Variants in DNAH17 observed in about 807,000 individuals in gnomAD.
The protein encoded by DNAH17 is dynein axonemal heavy chain 17, also known as axonemal beta dynein heavy chain 17.
In DNAH17, 376 loss-of-function variants were observed where a neutral mutation model predicts 485.6. That is an observed-to-expected ratio of 0.77 (90% CI 0.71 to 0.84). DNAH17 has a LOEUF of 0.84. DNAH17 is among the 40% of genes least tolerant of loss of function. DNAH17 has a pLI of 0.00. For missense variants in DNAH17, 6,370 were observed against 5,839.3 expected (o/e 1.09, Z -2.96); for synonymous variants, 3,031 against 2,405.9 (o/e 1.26, Z -7.60).
rs2090058195 is a variant in DNAH17 at position 78,496,014 on chromosome 17, C to A, written c.5764G>T (p.Ala1922Ser). 1 of 1,613,680 alleles carries A rather than the reference C, an allele frequency of 6.2e-7. No individual in the cohort carries two copies. ...AATGCTTTTTTCTTGGCCCGAATTG[C>A]ATCCTGGACACATTTTACCTGCACG... ...IAVQVKCVQD[A>S]IRAKKKAFNF... The change falls in exon 38 of 81, where the codon GCA becomes TCA. Residue 1922 changes from alanine to serine, a missense_variant. Coordinates refer to ENST00000389840, the MANE Select transcript of DNAH17 (RefSeq NM_173628.4).
chr17:78,466,852 G>T (rs563029247), intron 55 of DNAH17, 36 bp from the exon 56 acceptor site: 34 of 1,519,080 alleles, frequency 2.2e-5, no homozygotes, highest in Admixed American at 1.8e-4. Flanking sequence ...TGCCTACTGG[G>T]ACTGCAGTGC....
intron 77 of DNAH17, among the ~76,000 whole-genome samples, chr17:78,428,167 C>T (rs1011160844): frequency 1.3e-5 from 2 of 152,166 alleles, no homozygotes; most frequent in Non-Finnish European, 2.9e-5. Context: ...GCTGCTACTG[C>T]TGTTGTGCTG....
intron 58 of DNAH17, 23 bp downstream of exon 58, chr17:78,461,521 C>A: frequency 6.5e-7 from 1 of 1,538,958 alleles, no homozygotes. Context: ...TTCCTGAAGG[C>A]ACGCTGGGCT....
intron 35 of DNAH17, 43 bp from the exon 36 acceptor site, chr17:78,500,504 G>A (rs1434956049): frequency 6.6e-7 from 1 of 1,507,452 alleles, no homozygotes; most frequent in Non-Finnish European, 8.9e-7. Flanking sequence ...GCGACCCCAT[G>A]GCCTCCCTGC....
chr17:78,566,938 G>C (rs2092277011), intron 10 of DNAH17, 61 bp downstream of exon 10: 1 of 1,541,870 alleles, frequency 6.5e-7, no homozygotes, highest in Non-Finnish European at 8.7e-7. Context: ...CCCTAAGCTG[G>C]TACCGAGGCT....
At chr17:78,474,651 G>T (rs898564361) in intron 54 of DNAH17, among the ~76,000 whole-genome samples, 1 of 148,260 alleles carries the variant, frequency 6.7e-6, no homozygotes, top group African/African-American at 2.5e-5. Context: ...TGTGTCCATC[G>T]AGTAGTTGAC....
chr17:78,508,721 G>T (rs1427471857), intron 27 of DNAH17, among the ~76,000 whole-genome samples: 1 of 152,128 alleles, frequency 6.6e-6, no homozygotes, highest in Non-Finnish European at 1.5e-5. Flanking sequence ...AGGGGTAGGG[G>T]ATGATGGCTA....
intron 11 of DNAH17, among the ~76,000 whole-genome samples, chr17:78,566,402 C>T (rs1161275743): frequency 1.3e-5 from 2 of 152,186 alleles, no homozygotes; most frequent in African/African-American, 2.4e-5. Flanking sequence ...CTCACTTGCT[C>T]CTCTTCCTCT....
At chr17:78,506,871 G>A in intron 29 of DNAH17, 25 bp from the exon 30 acceptor site, 1 of 1,613,712 alleles carries the variant, frequency 6.2e-7, no homozygotes, top group African/African-American at 1.3e-5. Context: ...GGAAGTAGAG[G>A]AGGCCGGTGA....
intron 75 of DNAH17, 54 bp downstream of exon 75, chr17:78,433,967 GGGAGGGAA>G (rs1478694646): frequency 7.3e-7 from 1 of 1,377,748 alleles, no homozygotes. Flanking sequence ...GAGGGAAGGA[GGGAGGGAA>G]GGAGGGAAAG....
intron 2 of DNAH17, among the ~76,000 whole-genome samples, chr17:78,573,483 C>T (rs2092388649): frequency 2.0e-5 from 3 of 151,762 alleles, no homozygotes; most frequent in African/African-American, 2.4e-5. Flanking sequence ...CCTATAATCC[C>T]AGCTATTTGG....
intron 24 of DNAH17, 133 bp from the exon 25 acceptor site, chr17:78,525,294 G>C (rs942280565): frequency 7.5e-7 from 1 of 1,330,678 alleles, no homozygotes. Context: ...TCCATACAAC[G>C]GTGTCCCACC....
At chr17:78,478,968 T>C (rs1380499337) in intron 51 of DNAH17, 57 bp downstream of exon 51, 3 of 1,464,676 alleles carry the variant, frequency 2.0e-6, no homozygotes, top group African/African-American at 2.8e-5. Flanking sequence ...GGAAAGCACC[T>C]GTGGATCAGG....
In DNAH17 at chr17:78,475,722, G is replaced by A. The variant is rs367882306; in HGVS notation, c.8266C>T (p.Leu2756Phe). ...PVTDMAPLNK[L>F]LVDVLDSYNE... ...TAGCTGTCCAGGACGTCCACGAGGA[G>A]CTTGTTCAGAGGAGCCATGTCGGTT... The change falls in exon 53 of 81, where the codon CTC becomes TTC. Residue 2756 changes from leucine (L) to phenylalanine (F), a missense_variant. Physicochemically the swap from Leu to Phe is conservative, Grantham distance 22. Coordinates refer to ENST00000389840, the MANE Select transcript of DNAH17 (RefSeq NM_173628.4). 1.2e-6 allele frequency: 2 copies of A among 1,613,886 alleles called. No homozygotes were observed. The highest frequency in any genetic ancestry group is 1.7e-6 in the Non-Finnish European group (2 of 1,179,812).
At chr17:78,565,975 A>G (rs2092258630) in intron 11 of DNAH17, among the ~76,000 whole-genome samples, 1 of 151,494 alleles carries the variant, frequency 6.6e-6, no homozygotes, top group African/African-American at 2.4e-5. Flanking sequence ...CAACAAAAAC[A>G]AAACAAAACA....
intron 38 of DNAH17, 140 bp downstream of exon 38, chr17:78,495,735 G>T: frequency 9.7e-7 from 1 of 1,028,828 alleles, no homozygotes; most frequent in Middle Eastern, 3.2e-4. Flanking sequence ...ACTGTGCCCG[G>T]CCATCTTGGG....
rs1281196229 is a variant in DNAH17 at position 78,490,801 on chromosome 17, A to G, written c.6716T>C (p.Met2239Thr). 1.9e-6 allele frequency: 3 copies of G among 1,604,676 alleles called. No individual in the cohort carries two copies. Among genetic ancestry groups the G allele is most frequent in the Middle Eastern group, 1.6e-4 (1 of 6,072 alleles). ...GTGGCTGATTTCGAACACCAGCCTC[A>G]TGGTGCGGTTCAGGGGGATCCGCTC... is the stretch of plus-strand genomic sequence containing the variant. ...SNERIPLNRT[M>T]RLVFEISHLR... The change falls in exon 44 of 81, where the codon ATG (methionine) becomes ACG (threonine). Residue 2239 changes from methionine (M) to threonine (T), a missense_variant. Coordinates refer to ENST00000389840, the MANE Select transcript of DNAH17 (RefSeq NM_173628.4).
At chr17:78,457,936 C>T (rs1038908081) in intron 62 of DNAH17, among the ~76,000 whole-genome samples, 2 of 152,204 alleles carry the variant, frequency 1.3e-5, no homozygotes, top group African/African-American at 4.8e-5. Context: ...GCTGGGATTA[C>T]AGGCGTGAGC....
At position 78,498,920 on chromosome 17, in the gene DNAH17, G is replaced by A. The variant is rs1817158393; in HGVS notation, c.5745+88C>T. 1.8e-5 allele frequency: 18 copies of A among 1,018,556 alleles called. No homozygotes were observed. The South Asian group carries it at 3.1e-4, about 17-fold the overall frequency. 63.1% of individuals were successfully genotyped at this position (1,018,556 alleles called of 1,614,324 possible). On this transcript the variant is annotated intron_variant, in intron 37 of 80. Coordinates refer to ENST00000389840, the MANE Select transcript of DNAH17 (RefSeq NM_173628.4). Reference sequence around the variant, plus strand: ...TGCTTGGAACGTTGCAGAGAGGCAAGGAGGGTCTATCTGGCGTGTGAGGTC... The same window carrying A: ...TGCTTGGAACGTTGCAGAGAGGCAAAGAGGGTCTATCTGGCGTGTGAGGTC...
Sources: allele counts gnomAD v4.1 joint callset (sites outside exome capture counted in the v4.1 genomes callset), GRCh38; gene constraint gnomAD v4.1.1; transcripts MANE v1.5; gene names NCBI Gene and HGNC (gene_info 2026-07-23, HGNC 2026-07-21).